ADRA1D: variants seen among roughly 807,000 people sequenced by gnomAD.
ADRA1D encodes adrenoceptor alpha 1D.
A neutral mutation model predicts 18.6 loss-of-function variants in ADRA1D; 22 were observed. The observed-to-expected ratio is 1.19, with a 90% confidence interval of 0.85 to 1.69. ADRA1D has a LOEUF of 1.69. Among genes scored for constraint, ADRA1D ranks in the 40% most tolerant of loss-of-function variants. ADRA1D has a pLI of 0.00. For missense variants in ADRA1D, 840 were observed against 840.7 expected, an observed-to-expected ratio of 1.00 and a Z score of 0.01; for synonymous variants, 376 against 388.2, an observed-to-expected ratio of 0.97 and a Z score of 0.37.
At chr20:4,231,922 C>CT (rs991807763) in intron 1 of ADRA1D, among the ~76,000 whole-genome samples, 2 of 151,766 alleles carry the variant, frequency 1.3e-5, no homozygotes, top group African/African-American at 2.4e-5. Context: ...TTTCTTTTTT[C>CT]TTTTTTTTGA....
At position 4,221,313 on chromosome 20, in the gene ADRA1D, A is replaced by C. The variant is rs1233482947; in HGVS notation, c.*210T>G. On this transcript the variant is annotated 3_prime_UTR_variant, in exon 2 of 2. Transcript: ENST00000379453. ...CCCTTCTAAGAAAAGAGTTCTGGGC[A>C]CCTGAGTCCAGCAGGGGGCCCCACT... 1 of 500,430 alleles carries C rather than the reference A, an allele frequency of 2.0e-6. No homozygotes were observed. The highest frequency in any genetic ancestry group is 3.4e-6 in the Non-Finnish European group (1 of 289,878). 31.0% of individuals were successfully genotyped at this position (500,430 alleles called of 1,614,324 possible).
At chr20:4,227,066 G>A (rs764852028) in intron 1 of ADRA1D, among the ~76,000 whole-genome samples, 28 of 152,246 alleles carry the variant, frequency 1.8e-4, no homozygotes, top group Non-Finnish European at 3.1e-4. Flanking sequence ...GGCATACCAT[G>A]AGTGTGAAAT....
chr20:4,225,878 A>G (rs1980787058), intron 1 of ADRA1D, among the ~76,000 whole-genome samples: 1 of 152,104 alleles, frequency 6.6e-6, no homozygotes, highest in Non-Finnish European at 1.5e-5. Flanking sequence ...TGTGTGAAAG[A>G]GATTATTTTC....
rs542395482 is a variant in ADRA1D, at chr20:4,245,303, C to T, written c.1111+2544G>A. ...AATGGCAAATTGAAGAACGGTGATA[C>T]GCATGGCAAGGTGCCATTCATATAA... On this transcript the variant is annotated intron_variant, in intron 1 of 1. Coordinates refer to ENST00000379453, the MANE Select transcript of ADRA1D (RefSeq NM_000678.4). 8.5e-5 allele frequency among the ~76,000 whole-genome samples: 13 copies of T among 152,280 alleles called. 1 individual carries two copies. Among genetic ancestry groups the T allele is most frequent in the South Asian group, 4.1e-4 (2 of 4,826 alleles).
At chr20:4,236,964 T>C (rs528147993) in intron 1 of ADRA1D, among the ~76,000 whole-genome samples, 34 of 152,272 alleles carry the variant, frequency 2.2e-4, no homozygotes, top group Admixed American at 1.5e-3. Context: ...GGAGGTAATA[T>C]ATTCTTTGAA....
chr20:4,236,583 C>T (rs974728495), intron 1 of ADRA1D, among the ~76,000 whole-genome samples: 5 of 152,076 alleles, frequency 3.3e-5, no homozygotes, highest in Non-Finnish European at 7.4e-5. Flanking sequence ...GAGGACCGAG[C>T]CCCTGTGGCT....
At chr20:4,234,032 T>A (rs1295698479) in intron 1 of ADRA1D, among the ~76,000 whole-genome samples, 1 of 152,166 alleles carries the variant, frequency 6.6e-6, no homozygotes, top group African/African-American at 2.4e-5. Flanking sequence ...GGGCATCCTC[T>A]GGTCAGAAGA....
At chr20:4,238,074 C>A (rs891663686) in intron 1 of ADRA1D, among the ~76,000 whole-genome samples, 14 of 149,614 alleles carry the variant, frequency 9.4e-5, no homozygotes, top group African/African-American at 2.0e-4. Flanking sequence ...ATGGTGAAAC[C>A]CCCCCCGTCT....
chr20:4,226,229 C>T (rs1284185692), intron 1 of ADRA1D, among the ~76,000 whole-genome samples: 1 of 152,232 alleles, frequency 6.6e-6, no homozygotes, highest in African/African-American at 2.4e-5. Flanking sequence ...CTGAAGTCTG[C>T]TGTGAGCTGG....
At chr20:4,227,339 C>T (rs578022771) in intron 1 of ADRA1D, among the ~76,000 whole-genome samples, 1 of 152,202 alleles carries the variant, frequency 6.6e-6, no homozygotes, top group Non-Finnish European at 1.5e-5. Context: ...TTACACCACT[C>T]GCTCCTGACC....
At chr20:4,236,253 T>G (rs111322790) in intron 1 of ADRA1D, among the ~76,000 whole-genome samples, 7 of 152,354 alleles carry the variant, frequency 4.6e-5, no homozygotes, top group African/African-American at 1.7e-4. Context: ...TTTTCTCCTC[T>G]GTAAATGGGG....
chr20:4,235,063 G>A (rs1981058075), intron 1 of ADRA1D, among the ~76,000 whole-genome samples: 1 of 152,174 alleles, frequency 6.6e-6, no homozygotes, highest in Non-Finnish European at 1.5e-5. Flanking sequence ...CGAGGGCACC[G>A]TGGGCCTGCT....
intron 1 of ADRA1D, among the ~76,000 whole-genome samples, chr20:4,237,328 G>A (rs1346091572): frequency 1.3e-5 from 2 of 152,120 alleles, no homozygotes; most frequent in African/African-American, 4.8e-5. Flanking sequence ...AGGAGTTGGA[G>A]GCTGCAGTGA....
At position 4,239,342 on chromosome 20, in the gene ADRA1D, C is replaced by T. The variant is rs1011865168; in HGVS notation, c.1111+8505G>A. On this transcript the variant is annotated intron_variant, in intron 1 of 1. Coordinates refer to ENST00000379453, the MANE Select transcript of ADRA1D (RefSeq NM_000678.4). The surrounding 1 kb of genome is among the most constrained non-coding windows in gnomAD (Gnocchi z 4.9). ...GGAGCTGGGCAGAGGACAAGATCTT[C>T]AGGGGAGGGGAAGGAGGAATATATG... Among the ~76,000 whole-genome samples the T allele has an allele frequency of 6.6e-6, 1 of 152,050 alleles. No homozygotes were observed. Among genetic ancestry groups the T allele is most frequent in the African/African-American group, 2.4e-5 (1 of 41,384 alleles).
intron 1 of ADRA1D, among the ~76,000 whole-genome samples, chr20:4,230,682 C>T (rs1362697100): frequency 3.3e-5 from 5 of 152,222 alleles, no homozygotes; most frequent in African/African-American, 9.6e-5. Context: ...AGGAATCAAT[C>T]GAAACATGGT....
At chr20:4,230,546 C>T (rs1172670092) in intron 1 of ADRA1D, among the ~76,000 whole-genome samples, 1 of 152,210 alleles carries the variant, frequency 6.6e-6, no homozygotes, top group African/African-American at 2.4e-5. Context: ...CAGCCCCTGG[C>T]CTCACAGCCC....
chr20:4,229,552 G>T (rs1044021532), intron 1 of ADRA1D, among the ~76,000 whole-genome samples: 1 of 152,198 alleles, frequency 6.6e-6, no homozygotes, highest in Admixed American at 6.5e-5. Flanking sequence ...TGAATGAGGT[G>T]TGTGGAGATC....
In ADRA1D at chr20:4,248,290, AC is replaced by A; in HGVS notation, c.667del (p.Val223Ter). 1 of 1,608,490 alleles carries A rather than the reference AC, an allele frequency of 6.2e-7. No individual in the cohort carries two copies. The highest frequency in any genetic ancestry group is 1.1e-5 in the South Asian group (1 of 90,028). ...AAAILALLWV[V>X]ALVVSVGPLL... Reference sequence around the variant, plus strand: ...GGGCCCTACGGACACCACCAGGGCTACGACCCAGAGCAGGGCCAGGATGGCG... The same window carrying A: ...GGGCCCTACGGACACCACCAGGGCTAGACCCAGAGCAGGGCCAGGATGGCG... On this transcript the variant is annotated frameshift_variant, in exon 1 of 2. Coordinates refer to ENST00000379453, the MANE Select transcript of ADRA1D (RefSeq NM_000678.4). LOFTEE classifies it high-confidence loss of function.
Position 4,247,833 on chromosome 20 carries a change from G to C in ADRA1D, c.1111+14C>G, listed in dbSNP as rs745663595. ...GGGAGAACAGGAGGGGCCGGTGGGAGAGGGGTCACTCACCGAGCGGCAGGA... is the reference window on the plus strand; with the variant it reads ...GGGAGAACAGGAGGGGCCGGTGGGACAGGGGTCACTCACCGAGCGGCAGGA... On this transcript the variant is annotated intron_variant, in intron 1 of 1. Transcript: ENST00000379453. 2.7e-5 allele frequency: 41 copies of C among 1,515,206 alleles called. No homozygotes were observed. In the African/African-American group the frequency reaches 5.4e-4, roughly 20 times the overall value. 93.9% of individuals were successfully genotyped at this position (1,515,206 alleles called of 1,614,324 possible). A position where few individuals can be genotyped will look rare whatever the true frequency, so the allele number is the denominator to read the frequency against.
Sources: gnomAD v4.1 joint callset for allele counts (sites outside exome capture counted in the v4.1 genomes callset) on GRCh38, gnomAD v4.1.1 for gene constraint, Gnocchi (gnomAD v3.1) non-coding constraint, MANE v1.5 for transcripts, NCBI Gene and HGNC (gene_info 2026-07-23, HGNC 2026-07-21) for gene names.